COL5A2: variants seen among roughly 807,000 people sequenced by gnomAD.
The protein encoded by COL5A2 is collagen type V alpha 2 chain, also known as collagen alpha-2(V) chain.
COL5A2 carries 23 observed loss-of-function variants against 208.2 expected under a neutral mutation model. The observed-to-expected ratio is 0.11, with a 90% CI of 0.08 to 0.16. The LOEUF is 0.16. Among genes scored for constraint, COL5A2 ranks in the 10% least tolerant of loss-of-function variants. COL5A2 has a pLI of 1.00. For synonymous variants in COL5A2, 625 were observed against 628.5 expected (o/e 0.99, Z 0.08); for missense variants, 1,590 against 1,956.4 (o/e 0.81, Z 3.53).
the COL5A2 span, among the ~76,000 whole-genome samples, chr2:189,264,769 TC>T: frequency 1.3e-5 from 2 of 152,092 alleles, no homozygotes; most frequent in Admixed American, 6.6e-5. Flanking sequence ...TTAAAAGCAA[TC>T]AAAAAGAAAA....
chr2:189,259,998 T>C, the COL5A2 span, among the ~76,000 whole-genome samples: 1 of 152,182 alleles, frequency 6.6e-6, no homozygotes, highest in Non-Finnish European at 1.5e-5. Flanking sequence ...AAATGCCCAA[T>C]GCTGGATACA....
At chr2:189,095,961 A>G (rs569107348) in intron 6 of COL5A2, 32 of 148,224 alleles carry the variant, frequency 2.2e-4, no homozygotes, top group African/African-American at 7.6e-4. Flanking sequence ...GATATGGCCA[A>G]TCTCTTGGGG....
chr2:189,180,141 GT>G (rs899101921), upstream of COL5A2, among the ~76,000 whole-genome samples: 2 of 151,830 alleles, frequency 1.3e-5, no homozygotes, highest in Non-Finnish European at 2.9e-5. Context: ...TTTTACCCTA[GT>G]TTTTTTACAT....
chr2:189,236,888 GT>G, the COL5A2 span, among the ~76,000 whole-genome samples: 3 of 151,716 alleles, frequency 2.0e-5, no homozygotes, highest in Non-Finnish European at 2.9e-5. Flanking sequence ...ATTTATCAAT[GT>G]TTTTCTTTAT....
chr2:189,393,648 C>T, the COL5A2 span, among the ~76,000 whole-genome samples: 36 of 152,272 alleles, frequency 2.4e-4, no homozygotes, highest in Middle Eastern at 3.4e-3. Context: ...AGTGACTCAA[C>T]TCTTTCCCAA....
chr2:189,123,832 T>C (rs1687556764), intron 1 of COL5A2, among the ~76,000 whole-genome samples: 3 of 152,034 alleles, frequency 2.0e-5, no homozygotes, highest in Admixed American at 2.0e-4. Flanking sequence ...AGGCTTGGGG[T>C]CAATCATGAT....
At chr2:189,048,406 G>A (rs1685715684) in intron 44 of COL5A2, 144 bp from the exon 45 acceptor site, 9 of 666,364 alleles carry the variant, frequency 1.4e-5, no homozygotes, top group Admixed American at 2.9e-5. Context: ...GCAGAAGAAC[G>A]GTTTCTACCT....
intron 1 of COL5A2, among the ~76,000 whole-genome samples, chr2:189,112,334 ATAT>A (rs1328453425): frequency 6.6e-6 from 1 of 152,240 alleles, no homozygotes; most frequent in Non-Finnish European, 1.5e-5. Flanking sequence ...TTTATGAAAG[ATAT>A]TATCATTTGG....
chr2:189,051,211 G>T, intron 42 of COL5A2, 109 bp downstream of exon 42: 1 of 1,385,528 alleles, frequency 7.2e-7, no homozygotes, highest in Non-Finnish European at 1.0e-6. Context: ...AAAATTTTAG[G>T]AATGTGCCCA....
At chr2:189,257,213 A>C in the COL5A2 span, among the ~76,000 whole-genome samples, 1 of 152,194 alleles carries the variant, frequency 6.6e-6, no homozygotes, top group Non-Finnish European at 1.5e-5. Context: ...ACCCCACATT[A>C]CTTGCCATTC....
the COL5A2 span, among the ~76,000 whole-genome samples, chr2:189,368,160 T>C: frequency 1.3e-5 from 2 of 152,216 alleles, no homozygotes; most frequent in Non-Finnish European, 2.9e-5. Context: ...TTAATTTTTA[T>C]AGACGAGCAA....
chr2:189,061,411 A>G, intron 30 of COL5A2, 151 bp downstream of exon 30: 1 of 631,696 alleles, frequency 1.6e-6, no homozygotes, highest in Admixed American at 2.8e-5. Flanking sequence ...AAAATGTTCG[A>G]TTTTATCCAA....
At chr2:189,282,475 T>C in the COL5A2 span, among the ~76,000 whole-genome samples, 1 of 152,184 alleles carries the variant, frequency 6.6e-6, no homozygotes, top group African/African-American at 2.4e-5. Context: ...ATTTCATTCC[T>C]GTATCTTCCA....
the COL5A2 span, among the ~76,000 whole-genome samples, chr2:189,355,740 T>A: frequency 6.6e-6 from 1 of 152,184 alleles, no homozygotes; most frequent in African/African-American, 2.4e-5. Context: ...AATTTGCCAG[T>A]CTGTGTCTTT....
chr2:189,052,055 G>C, intron 41 of COL5A2, 117 bp downstream of exon 41: 1 of 811,188 alleles, frequency 1.2e-6, no homozygotes. Flanking sequence ...AATAAGAGTT[G>C]TTAAATAAGA....
chr2:189,077,142 T>C (rs935446769), intron 16 of COL5A2, among the ~76,000 whole-genome samples: 2 of 151,952 alleles, frequency 1.3e-5, no homozygotes, highest in African/African-American at 4.8e-5. Flanking sequence ...AGTGGCCCAT[T>C]CCCCCCATTA....
the COL5A2 span, among the ~76,000 whole-genome samples, chr2:189,303,602 A>C: frequency 6.6e-6 from 1 of 152,200 alleles, no homozygotes; most frequent in Non-Finnish European, 1.5e-5. Context: ...CTTGTAGATG[A>C]ACTGTAACCT....
In COL5A2 at chr2:189,045,915, G is replaced by A; in HGVS notation, c.3202-8C>T. ...AGGGTCTCCACGATCACCCTAACAA[G>A]AATAACCATGATATTATTTTTTAAC... On this transcript the variant is annotated splice_polypyrimidine_tract_variant and splice_region_variant and intron_variant, in intron 45 of 53. Transcript: ENST00000374866. 2 of 1,605,090 alleles carry A rather than the reference G, an allele frequency of 1.2e-6. No homozygotes were observed. The highest frequency in any genetic ancestry group is 1.7e-6 in the Non-Finnish European group (2 of 1,171,950).
chr2:189,074,119 T>C (rs1258177981), intron 17 of COL5A2, among the ~76,000 whole-genome samples: 1 of 152,190 alleles, frequency 6.6e-6, no homozygotes, highest in Admixed American at 6.5e-5. Flanking sequence ...TCTATGTTTA[T>C]AATTTACAGA....
Sources: gnomAD v4.1 joint callset for allele counts (sites outside exome capture counted in the v4.1 genomes callset) on GRCh38, gnomAD v4.1.1 for gene constraint, MANE v1.5 for transcripts, NCBI Gene and HGNC (gene_info 2026-07-23, HGNC 2026-07-21) for gene names.